Variants in KAT2B observed in about 807,000 individuals in gnomAD.
KAT2B encodes the protein lysine acetyltransferase 2B.
Under a neutral mutation model 105.9 loss-of-function variants are expected in KAT2B, and 36 were observed. The observed-to-expected ratio is 0.34, with a 90% CI of 0.26 to 0.45. KAT2B has a LOEUF of 0.45. Among genes scored for constraint, KAT2B ranks in the 20% least tolerant of loss-of-function variants. The pLI is 1.00. For synonymous variants in KAT2B, 397 were observed against 377.9 expected, an observed-to-expected ratio of 1.05 and a Z score of -0.59; for missense variants, 820 against 1,021.6, an observed-to-expected ratio of 0.80 and a Z score of 2.69.
At chr3:20,129,415 C>T (rs1353208636) in intron 11 of KAT2B, among the ~76,000 whole-genome samples, 1 of 146,862 alleles carries the variant, frequency 6.8e-6, no homozygotes, top group African/African-American at 2.6e-5. Flanking sequence ...CACTCTGTTG[C>T]CCAGGCTGGA....
At chr3:20,096,370 A>G (rs982781447) in intron 3 of KAT2B, among the ~76,000 whole-genome samples, 4 of 152,114 alleles carry the variant, frequency 2.6e-5, no homozygotes, top group African/African-American at 9.7e-5. Context: ...GCCAGGACTA[A>G]CGATGTGGGA....
intron 1 of KAT2B, among the ~76,000 whole-genome samples, chr3:20,060,592 ACT>A (rs1325614930): frequency 4.0e-5 from 6 of 149,246 alleles, no homozygotes; most frequent in South Asian, 2.1e-4. Context: ...CAAGAGAGAA[ACT>A]CTGTCTAAAA....
intron 1 of KAT2B, among the ~76,000 whole-genome samples, chr3:20,050,569 T>C (rs1162740186): frequency 1.3e-5 from 2 of 152,264 alleles, no homozygotes; most frequent in Non-Finnish European, 2.9e-5. Context: ...CTCAACATTA[T>C]GTCTGTCAGA....
In KAT2B at chr3:20,147,949, T is replaced by C. The variant is rs775089833; in HGVS notation, c.2120-14T>C. 2 of 1,612,792 alleles carry C rather than the reference T, an allele frequency of 1.2e-6. No homozygotes were observed. Among genetic ancestry groups the C allele is most frequent in the Admixed American group, 1.7e-5 (1 of 59,958 alleles). On this transcript the variant is annotated splice_polypyrimidine_tract_variant and intron_variant, in intron 14 of 17. Coordinates refer to ENST00000263754, the MANE Select transcript of KAT2B (RefSeq NM_003884.5). ...AGCACTTCTCATTCAGTGTTTCACT[T>C]TGTTGACGTATAGGAGAGACAGGCT...
intron 11 of KAT2B, among the ~76,000 whole-genome samples, chr3:20,136,409 A>G (rs917887749): frequency 7.2e-5 from 11 of 152,208 alleles, no homozygotes; most frequent in African/African-American, 2.2e-4. Flanking sequence ...GAAAGGTCTG[A>G]TAAGACCAAA....
At chr3:20,071,252 CCACATG>C (rs1698316854) in intron 1 of KAT2B, among the ~76,000 whole-genome samples, 1 of 152,132 alleles carries the variant, frequency 6.6e-6, no homozygotes, top group Non-Finnish European at 1.5e-5. Context: ...TGCTCAATAG[CCACATG>C]TGGCCAGAGG....
intron 14 of KAT2B, 87 bp downstream of exon 14, chr3:20,146,517 G>A (rs1422870987): frequency 1.9e-5 from 14 of 749,500 alleles, no homozygotes; most frequent in South Asian, 1.2e-4. Context: ...CAGTAACTTC[G>A]AAAGCTTTAT....
chr3:20,049,833 T>C (rs768821743), intron 1 of KAT2B, among the ~76,000 whole-genome samples: 1 of 152,092 alleles, frequency 6.6e-6, no homozygotes, highest in Non-Finnish European at 1.5e-5. Flanking sequence ...TGAAGAAAGA[T>C]GAAAGAGACA....
chr3:20,048,179 T>C (rs550650343), intron 1 of KAT2B, among the ~76,000 whole-genome samples: 4 of 152,088 alleles, frequency 2.6e-5, no homozygotes, highest in Non-Finnish European at 4.4e-5. Context: ...AAGGAAAAAA[T>C]GTTTCATTTG....
At chr3:20,105,008 C>T (rs1255813446) in intron 5 of KAT2B, among the ~76,000 whole-genome samples, 1 of 151,730 alleles carries the variant, frequency 6.6e-6, no homozygotes, top group Admixed American at 6.6e-5. Context: ...GCCTTAGCCT[C>T]CCAAGTAGCT....
intron 5 of KAT2B, among the ~76,000 whole-genome samples, chr3:20,110,336 G>C (rs1031715996): frequency 1.8e-4 from 27 of 151,806 alleles, no homozygotes; most frequent in Admixed American, 1.8e-3. Flanking sequence ...TATGTTTTTG[G>C]GTCCTGGGAA....
At chr3:20,093,443 G>A (rs1235334465) in intron 2 of KAT2B, among the ~76,000 whole-genome samples, 2 of 152,154 alleles carry the variant, frequency 1.3e-5, no homozygotes, top group African/African-American at 4.8e-5. Context: ...ACAGTGATAA[G>A]AAAAGCCCTT....
At chr3:20,103,215 G>T (rs1175233020) in intron 5 of KAT2B, among the ~76,000 whole-genome samples, 1 of 152,056 alleles carries the variant, frequency 6.6e-6, no homozygotes, top group East Asian at 1.9e-4. Context: ...TATAATAAGA[G>T]TTGAGACGAT....
At chr3:20,049,252 T>G (rs965852404) in intron 1 of KAT2B, among the ~76,000 whole-genome samples, 1 of 152,220 alleles carries the variant, frequency 6.6e-6, no homozygotes, top group Admixed American at 6.5e-5. Context: ...GATTAAATAC[T>G]TCAGGATATA....
At chr3:20,080,541 A>G (rs1015817675) in intron 2 of KAT2B, among the ~76,000 whole-genome samples, 3 of 152,306 alleles carry the variant, frequency 2.0e-5, no homozygotes, top group Admixed American at 2.0e-4. Context: ...CTAGTTTGTA[A>G]TATATTTAGT....
chr3:20,129,007 C>CAAAAAAAAA (rs534566854), intron 11 of KAT2B, among the ~76,000 whole-genome samples: 3 of 57,324 alleles, frequency 5.2e-5, no homozygotes, highest in Non-Finnish European at 9.1e-5. Flanking sequence ...AACTCCATCT[C>CAAAAAAAAA]AAAAAAAAAA....
intron 14 of KAT2B, 44 bp downstream of exon 14, chr3:20,146,474 C>T (rs1221248459): frequency 9.1e-7 from 1 of 1,102,972 alleles, no homozygotes; most frequent in South Asian, 1.3e-5. Context: ...TTTAGTAATG[C>T]CGTGGTTTGT....
chr3:20,061,162 G>A (rs1276212277), intron 1 of KAT2B, among the ~76,000 whole-genome samples: 3 of 151,952 alleles, frequency 2.0e-5, no homozygotes, highest in Admixed American at 1.3e-4. Context: ...CCAACCCCTC[G>A]GCAACCACCA....
At chr3:20,134,432 C>G (rs1276833254) in intron 11 of KAT2B, among the ~76,000 whole-genome samples, 2 of 149,884 alleles carry the variant, frequency 1.3e-5, no homozygotes, top group Admixed American at 1.3e-4. Flanking sequence ...GAGTCTCGCT[C>G]TGTCGCCAGG....
Sources: allele counts gnomAD v4.1 joint callset (sites outside exome capture counted in the v4.1 genomes callset), GRCh38; gene constraint gnomAD v4.1.1; transcripts MANE v1.5; gene names NCBI Gene and HGNC (gene_info 2026-07-23, HGNC 2026-07-21).